The following HS3ST5 variants were observed in gnomAD, a reference collection of about 807,000 sequenced individuals.
The protein encoded by HS3ST5 is heparan sulfate-glucosamine 3-sulfotransferase 5.
A neutral mutation model predicts 25.4 loss-of-function variants in HS3ST5; 10 were observed. That is an observed-to-expected ratio of 0.39 (90% CI 0.24 to 0.67). The LOEUF is 0.67. Among genes scored for constraint, HS3ST5 ranks in the 30% least tolerant of loss-of-function variants. The pLI is 0.44. For missense variants in HS3ST5, 324 were observed against 420.7 expected (o/e 0.77, Z 2.01); for synonymous variants, 170 against 162.4 (o/e 1.05, Z -0.36).
At chr6:114,091,572 T>A (rs1161012903) in intron 3 of HS3ST5, among the ~76,000 whole-genome samples, 1 of 151,600 alleles carries the variant, frequency 6.6e-6, no homozygotes, top group Non-Finnish European at 1.5e-5. Context: ...TAGTCCCAGC[T>A]ACTCCGGAGG....
At chr6:114,206,929 A>C (rs969241867) in intron 2 of HS3ST5, among the ~76,000 whole-genome samples, 7 of 152,222 alleles carry the variant, frequency 4.6e-5, no homozygotes, top group African/African-American at 1.7e-4. Context: ...TGTGGAGTAC[A>C]TTAAAAATTG....
chr6:114,184,685 C>G (rs1780134372), intron 2 of HS3ST5, among the ~76,000 whole-genome samples: 1 of 152,230 alleles, frequency 6.6e-6, no homozygotes, highest in Non-Finnish European at 1.5e-5. Flanking sequence ...AATAAGATCT[C>G]TGTCCGAAGC....
At chr6:114,177,010 C>T (rs1039625065) in intron 2 of HS3ST5, among the ~76,000 whole-genome samples, 1 of 152,178 alleles carries the variant, frequency 6.6e-6, no homozygotes, top group Middle Eastern at 3.2e-3. Flanking sequence ...ATTTCCTTCA[C>T]ATTCTTAGTC....
intron 3 of HS3ST5, among the ~76,000 whole-genome samples, chr6:114,133,552 G>T (rs1488665260): frequency 6.6e-6 from 1 of 152,090 alleles, no homozygotes; most frequent in African/African-American, 2.4e-5. Flanking sequence ...TAAGAGGAGG[G>T]GACTAGATGT....
rs766557307 is a variant in HS3ST5, at chr6:114,057,858, T to G, written c.440A>C (p.Tyr147Ser). 1 of 1,614,058 alleles carries G rather than the reference T, an allele frequency of 6.2e-7. No homozygotes were observed. Among genetic ancestry groups the G allele is most frequent in the Admixed American group, 1.7e-5 (1 of 60,008 alleles). Reference protein sequence around the residue: ...EWYRKKMPFSYPQQITIEKSP... With the variant: ...EWYRKKMPFSSPQQITIEKSP... Reference sequence around the variant, plus strand: ...CTTTTCAATTGTGATTTGCTGAGGGTAGGAAAAAGGCATCTTTTTCCTATA... The same window carrying G: ...CTTTTCAATTGTGATTTGCTGAGGGGAGGAAAAAGGCATCTTTTTCCTATA... The change falls in exon 5 of 5, where the codon TAC (tyrosine) becomes TCC (serine). Residue 147 changes from tyrosine to serine, a missense_variant. By Grantham distance (144) the Tyr-to-Ser change is moderately radical. Transcript: ENST00000312719.
chr6:114,125,918 G>A (rs1412972182), intron 3 of HS3ST5, among the ~76,000 whole-genome samples: 1 of 152,172 alleles, frequency 6.6e-6, no homozygotes, highest in Non-Finnish European at 1.5e-5. Flanking sequence ...GAAGCTGACA[G>A]GCAGTATTAC....
At chr6:114,125,110 A>G (rs1158971142) in intron 3 of HS3ST5, among the ~76,000 whole-genome samples, 1 of 152,196 alleles carries the variant, frequency 6.6e-6, no homozygotes, top group Non-Finnish European at 1.5e-5. Flanking sequence ...TGAAATATGT[A>G]AAATAAAATA....
At position 114,057,919 on chromosome 6, in the gene HS3ST5, C is replaced by CA. The variant is rs1378538840; in HGVS notation, c.378dup (p.Asp127Ter). 1 of 1,614,148 alleles carries CA rather than the reference C, an allele frequency of 6.2e-7. No homozygotes were observed. The highest frequency in any genetic ancestry group is 8.5e-7 in the Non-Finnish European group (1 of 1,180,028). On this transcript the variant is annotated frameshift_variant, in exon 5 of 5. Coordinates refer to ENST00000312719, the MANE Select transcript of HS3ST5 (RefSeq NM_153612.4). LOFTEE classifies it high-confidence loss of function. ...CCCTTACCATAATTCTCATCATTAT[C>CA]AAAAAAGTGGATTTCTTGAGAGGCT...
chr6:114,262,391 C>T (rs1193119901), intron 1 of HS3ST5, among the ~76,000 whole-genome samples: 1 of 151,904 alleles, frequency 6.6e-6, no homozygotes, highest in African/African-American at 2.4e-5. Context: ...ACTAAAAATA[C>T]AAAAAATTAG....
intron 1 of HS3ST5, among the ~76,000 whole-genome samples, chr6:114,301,673 A>G (rs1454154448): frequency 2.6e-5 from 4 of 152,102 alleles, no homozygotes; most frequent in Non-Finnish European, 4.4e-5. Flanking sequence ...CCTTGACCTG[A>G]TCTCCATTTC....
chr6:114,274,820 A>G (rs185480540), intron 1 of HS3ST5, among the ~76,000 whole-genome samples: 46 of 151,044 alleles, frequency 3.0e-4, no homozygotes, highest in African/African-American at 9.9e-4. Context: ...AGTACCTTGG[A>G]GTCTGAGAAT....
chr6:114,077,391 C>G (rs990415122), intron 3 of HS3ST5, among the ~76,000 whole-genome samples: 1 of 152,040 alleles, frequency 6.6e-6, no homozygotes, highest in Non-Finnish European at 1.5e-5. Context: ...TAATGTTTAT[C>G]CACTCTTCCC....
intron 1 of HS3ST5, among the ~76,000 whole-genome samples, chr6:114,257,740 G>T (rs566190555): frequency 6.6e-6 from 1 of 151,794 alleles, no homozygotes; most frequent in Admixed American, 6.6e-5. Flanking sequence ...TCTTCTTGTT[G>T]TTCTTTTTTT....
At chr6:114,235,591 G>A (rs1771818873) in intron 1 of HS3ST5, 1 of 152,194 alleles carries the variant, frequency 6.6e-6, no homozygotes, top group Non-Finnish European at 1.5e-5. Context: ...GGCTAGATGA[G>A]AGTAGCACTT....
intron 1 of HS3ST5, among the ~76,000 whole-genome samples, chr6:114,328,536 T>A (rs1776264119): frequency 6.6e-6 from 1 of 152,224 alleles, no homozygotes; most frequent in Non-Finnish European, 1.5e-5. Flanking sequence ...GCTACTGTCT[T>A]TCTTTCTTTT....
chr6:114,249,617 C>T (rs576422002), intron 1 of HS3ST5, among the ~76,000 whole-genome samples: 1 of 152,268 alleles, frequency 6.6e-6, no homozygotes, highest in South Asian at 2.1e-4. Flanking sequence ...CAGGGTACGA[C>T]CCCTCCCCAG....
chr6:114,083,952 A>G (rs1418320241), intron 3 of HS3ST5, among the ~76,000 whole-genome samples: 4 of 152,088 alleles, frequency 2.6e-5, no homozygotes, highest in Non-Finnish European at 5.9e-5. Context: ...TCTTCATTAC[A>G]TCTAATATGT....
At chr6:114,086,996 C>A (rs939401914) in intron 3 of HS3ST5, among the ~76,000 whole-genome samples, 1 of 152,174 alleles carries the variant, frequency 6.6e-6, no homozygotes, top group Non-Finnish European at 1.5e-5. Flanking sequence ...TCACATAACT[C>A]TCACAGAAGC....
In HS3ST5 at chr6:114,306,920, A is replaced by T. The variant is rs1478499706; in HGVS notation, c.-339+35275T>A. ...ATCACTTATTTTTGTCCATTTCAAC[A>T]TCTATTTCTCCTGAACTTTGTTCTG... On this transcript the variant is annotated intron_variant, in intron 1 of 4. Coordinates refer to ENST00000312719, the MANE Select transcript of HS3ST5 (RefSeq NM_153612.4). Among the ~76,000 whole-genome samples the T allele has an allele frequency of 3.3e-5, 5 of 152,180 alleles. No individual in the cohort carries two copies. The East Asian group carries it at 9.6e-4, about 29-fold the overall frequency.
Sources: gnomAD v4.1 joint callset for allele counts (sites outside exome capture counted in the v4.1 genomes callset) on GRCh38, gnomAD v4.1.1 for gene constraint, MANE v1.5 for transcripts, NCBI Gene and HGNC (gene_info 2026-07-23, HGNC 2026-07-21) for gene names.